The following CCNG1 variants were observed in gnomAD, a reference collection of about 807,000 sequenced individuals.
The protein encoded by CCNG1 is cyclin G1.
CCNG1 carries 13 observed loss-of-function variants against 30.0 expected under a neutral mutation model. The ratio of observed to expected loss-of-function variants is 0.43; its 90% confidence interval spans 0.28 to 0.69. The LOEUF is 0.69. Among genes scored for constraint, CCNG1 ranks in the 30% least tolerant of loss-of-function variants. The pLI, the probability that CCNG1 is intolerant of heterozygous loss-of-function variation, is 0.16. For missense variants in CCNG1, 285 were observed against 331.4 expected (o/e 0.86, Z 1.09); for synonymous variants, 110 against 121.5 (o/e 0.91, Z 0.62).
intron 5 of CCNG1, 104 bp downstream of exon 5, chr5:163,442,247 T>C: frequency 9.3e-7 from 1 of 1,080,854 alleles, no homozygotes; most frequent in South Asian, 1.5e-5. Flanking sequence ...ATTTGAAACT[T>C]AAGTAGCTAT....
chr5:163,444,347 A>C lies in CCNG1; in HGVS notation c.*677A>C, dbSNP rs1236203713. On this transcript the variant is annotated 3_prime_UTR_variant, in exon 7 of 7. Coordinates refer to ENST00000340828, the MANE Select transcript of CCNG1 (RefSeq NM_004060.4). The stretch of plus-strand genomic sequence containing the variant: ...AATATTTTTTTCTAGAAAACAGGTG[A>C]CATTTGTATCTACGATAAAAATTTT... 6.6e-6 allele frequency: 1 copy of C among 152,592 alleles called. No individual in the cohort carries two copies. The highest frequency in any genetic ancestry group is 2.4e-5 in the African/African-American group (1 of 41,464). The allele number at this position is 152,592 out of a possible 1,614,324, so 9.5% of individuals were successfully genotyped here. A position where few individuals can be genotyped will look rare whatever the true frequency, so the allele number is the denominator to read the frequency against.
Position 163,441,198 on chromosome 5 carries a change from T to C in CCNG1, c.385T>C (p.Phe129Leu). Residue 129 changes from phenylalanine (F) to leucine (L), a missense_variant, in exon 3 of 7, where the codon TTT (phenylalanine) becomes CTT (leucine). Phe to Leu is a conservative substitution (Grantham distance 22, BLOSUM62 0). Transcript: ENST00000340828. ...TDLIRISQYR[F>L]TVSDLMRMEK... ...CTTGATCCGAATAAGTCAATATAGG[T>C]TTACGGTTTCAGACTTGATGAGAAT... is the stretch of plus-strand genomic sequence containing the variant. The C allele has an allele frequency of 6.2e-7, 1 of 1,613,954 alleles. No individual in the cohort carries two copies. The highest frequency in any genetic ancestry group is 1.3e-5 in the African/African-American group (1 of 74,998).
At chr5:163,453,344 T>C in the CCNG1 span, 4 of 152,194 alleles carry the variant, frequency 2.6e-5, no homozygotes, top group African/African-American at 9.6e-5. Context: ...ACTCACCTAA[T>C]TACCATGATC....
downstream of CCNG1, chr5:163,447,781 G>GT (rs1758076218): frequency 1.3e-5 from 2 of 151,994 alleles, no homozygotes; most frequent in Non-Finnish European, 2.9e-5. Flanking sequence ...CTAGAAATCA[G>GT]TAACAGCAAG....
At chr5:163,443,379 T>A (rs1757927168) in intron 6 of CCNG1, among the ~76,000 whole-genome samples, 1 of 151,812 alleles carries the variant, frequency 6.6e-6, no homozygotes, top group African/African-American at 2.4e-5. Flanking sequence ...ATCTGGAAAC[T>A]GCCAGAGTGT....
At chr5:163,453,636 C>G in the CCNG1 span, 1 of 168,414 alleles carries the variant, frequency 5.9e-6, no homozygotes, top group Non-Finnish European at 1.3e-5. Context: ...TAATTTTCCC[C>G]AAAGGCACCC....
At chr5:163,454,340 A>G in the CCNG1 span, among the ~76,000 whole-genome samples, 1 of 151,984 alleles carries the variant, frequency 6.6e-6, no homozygotes, top group Non-Finnish European at 1.5e-5. Context: ...TTTTTATTTT[A>G]TTTATTATTA....
intron 3 of CCNG1, 44 bp from the exon 4 acceptor site, chr5:163,441,842 A>T: frequency 8.6e-7 from 1 of 1,161,846 alleles, no homozygotes; most frequent in South Asian, 1.3e-5. Flanking sequence ...TTTTGACTAG[A>T]TGTAGTATTA....
chr5:163,442,180 T>C (rs1341642012), intron 5 of CCNG1, 37 bp downstream of exon 5: 1 of 1,400,792 alleles, frequency 7.1e-7, no homozygotes, highest in African/African-American at 1.4e-5. Context: ...TATTAACAGC[T>C]GTAAAAGAAA....
the CCNG1 span, chr5:163,452,434 G>A: frequency 6.6e-6 from 1 of 152,096 alleles, no homozygotes. Context: ...GGACACAGAG[G>A]CCACCCAGAA....
chr5:163,456,355 A>G, the CCNG1 span, among the ~76,000 whole-genome samples: 2 of 152,252 alleles, frequency 1.3e-5, no homozygotes, highest in South Asian at 4.1e-4. Context: ...TCTAAATCAT[A>G]TCAAAGGCAA....
intron 2 of CCNG1, 65 bp from the exon 3 acceptor site, chr5:163,441,013 C>T: frequency 1.3e-6 from 2 of 1,501,152 alleles, no homozygotes; most frequent in East Asian, 2.3e-5. Flanking sequence ...TCTAGATTAT[C>T]CTTTATGTTT....
At chr5:163,457,136 GT>G in the CCNG1 span, 1 of 1,372,806 alleles carries the variant, frequency 7.3e-7, no homozygotes, top group East Asian at 2.7e-5. Context: ...TCTTCATCAA[GT>G]TGTTTTTTTT....
the CCNG1 span, chr5:163,453,645 C>G: frequency 5.7e-6 from 1 of 174,494 alleles, no homozygotes; most frequent in East Asian, 1.4e-4. Flanking sequence ...CCAAAGGCAC[C>G]CTTCATTTCA....
At chr5:163,441,670 C>G in intron 3 of CCNG1, 1 of 534,950 alleles carries the variant, frequency 1.9e-6, no homozygotes, top group Non-Finnish European at 3.3e-6. Context: ...TAGTACTATT[C>G]ATTTTAATTT....
intron 2 of CCNG1, 41 bp from the exon 3 acceptor site, chr5:163,441,037 G>T: frequency 6.4e-7 from 1 of 1,572,034 alleles, no homozygotes. Context: ...TTGAAATAAG[G>T]TAGAGTCATG....
At chr5:163,454,350 AT>A in the CCNG1 span, among the ~76,000 whole-genome samples, 1 of 151,706 alleles carries the variant, frequency 6.6e-6, no homozygotes, top group African/African-American at 2.4e-5. Flanking sequence ...ATTTATTATT[AT>A]TTTTTTTGAG....
chr5:163,444,466 G>C lies in CCNG1; in HGVS notation c.*796G>C, dbSNP rs1757975099. On this transcript the variant is annotated 3_prime_UTR_variant, in exon 7 of 7. Coordinates refer to ENST00000340828, the MANE Select transcript of CCNG1 (RefSeq NM_004060.4). ...AAATAAATTATCACTTCGAAAACTT[G>C]CTTTCCCACACTAAGGTAAGTTCAG... 6.6e-6 allele frequency: 1 copy of C among 152,532 alleles called. No individual in the cohort carries two copies. 9.4% of individuals were successfully genotyped at this position (152,532 alleles called of 1,614,324 possible). A position where few individuals can be genotyped will look rare whatever the true frequency, so the allele number is the denominator to read the frequency against.
intron 2 of CCNG1, among the ~76,000 whole-genome samples, chr5:163,440,497 G>GT (rs1757753491): frequency 6.6e-6 from 1 of 152,158 alleles, no homozygotes; most frequent in Admixed American, 6.5e-5. Context: ...TAAAAGCTTA[G>GT]TTTCATGTGA....
Sources: gnomAD v4.1 joint callset for allele counts (sites outside exome capture counted in the v4.1 genomes callset) on GRCh38, gnomAD v4.1.1 for gene constraint, MANE v1.5 for transcripts, NCBI Gene and HGNC (gene_info 2026-07-23, HGNC 2026-07-21) for gene names.